The following CCNYL1 variants were observed in gnomAD, a reference collection of about 807,000 sequenced individuals.
CCNYL1 encodes the protein cyclin Y like 1.
CCNYL1 carries 16 observed loss-of-function variants against 44.2 expected under a neutral mutation model. The ratio of observed to expected loss-of-function variants is 0.36; its 90% CI spans 0.25 to 0.55. The LOEUF (loss-of-function observed/expected upper bound fraction) is 0.55, where lower values mean the gene tolerates loss of function less well. CCNYL1 is among the 20% of genes least tolerant of loss of function. The pLI, the probability that CCNYL1 is intolerant of heterozygous loss-of-function variation, is 0.85. For missense variants in CCNYL1, 348 were observed against 451.8 expected (o/e 0.77, Z 2.08); for synonymous variants, 159 against 163.2 (o/e 0.97, Z 0.20).
chr2:207,728,599 A>G (rs1036963491), intron 3 of CCNYL1, among the ~76,000 whole-genome samples: 1 of 152,128 alleles, frequency 6.6e-6, no homozygotes, highest in African/African-American at 2.4e-5. Context: ...TCATAAGAGT[A>G]TAAAATGCTA....
At chr2:207,745,394 A>C (rs1422296073) in intron 7 of CCNYL1, among the ~76,000 whole-genome samples, 1 of 152,198 alleles carries the variant, frequency 6.6e-6, no homozygotes, top group Admixed American at 6.5e-5. Flanking sequence ...GCATCAGCAC[A>C]TCACCAGCTT....
rs770207680 is a variant in CCNYL1 at position 207,740,731 on chromosome 2, GTAT to G, written c.519+27_519+29del. On this transcript the variant is annotated intron_variant, in intron 6 of 9. Coordinates refer to ENST00000295414, the MANE Select transcript of CCNYL1 (RefSeq NM_001330218.2). ...AGTAAGTGTCACTTTTTTTGAGGTA[GTAT>G]TTTTCTCTCATAGAGTTGTGTTTAT... The G allele has an allele frequency of 3.3e-6, 5 of 1,499,768 alleles. No individual in the cohort carries two copies. In the African/African-American group the frequency reaches 5.5e-5, roughly 17 times the overall value. 92.9% of individuals were successfully genotyped at this position (1,499,768 alleles called of 1,614,324 possible). A position where few individuals can be genotyped will look rare whatever the true frequency, so the allele number is the denominator to read the frequency against.
intron 1 of CCNYL1, among the ~76,000 whole-genome samples, chr2:207,714,005 T>G (rs1207876381): frequency 6.6e-6 from 1 of 152,106 alleles, no homozygotes; most frequent in South Asian, 2.1e-4. Context: ...CATACTTTCA[T>G]GTACATGTAA....
intron 9 of CCNYL1, among the ~76,000 whole-genome samples, chr2:207,753,246 G>C (rs1015662325): frequency 6.6e-6 from 1 of 152,114 alleles, no homozygotes; most frequent in Non-Finnish European, 1.5e-5. Context: ...ACAAGTGTAC[G>C]TTTGTTATAT....
chr2:207,720,187 C>CGAA (rs2091629749), intron 1 of CCNYL1, among the ~76,000 whole-genome samples: 1 of 57,904 alleles, frequency 1.7e-5, no homozygotes, highest in Non-Finnish European at 3.2e-5. Context: ...GACTCCGTCT[C>CGAA]AAAAAAAAAA....
At chr2:207,715,679 CT>C (rs368268330) in intron 1 of CCNYL1, among the ~76,000 whole-genome samples, 22,507 of 139,182 alleles carry the variant, frequency 0.16, 2,790 homozygotes, top group East Asian at 0.38. Flanking sequence ...CGCGCCTGGC[CT>C]TTTTTTTTTT....
intron 1 of CCNYL1, among the ~76,000 whole-genome samples, chr2:207,717,146 A>G (rs994409504): frequency 3.8e-4 from 57 of 150,564 alleles, no homozygotes; most frequent in African/African-American, 1.3e-3. Flanking sequence ...GTCAAATTGG[A>G]GTTAGCATTG....
At chr2:207,736,812 T>C (rs2091768225) in intron 4 of CCNYL1, among the ~76,000 whole-genome samples, 1 of 152,140 alleles carries the variant, frequency 6.6e-6, no homozygotes, top group Non-Finnish European at 1.5e-5. Context: ...GTAGAACTTG[T>C]ATAAAATGAA....
chr2:207,734,775 TTTTTTTTAGTTAATTCA>T (rs1243725820), intron 4 of CCNYL1, among the ~76,000 whole-genome samples: 1 of 152,136 alleles, frequency 6.6e-6, no homozygotes, highest in Non-Finnish European at 1.5e-5. Flanking sequence ...GTACTAGCTT[TTTTTTTTAGTTAATTCA>T]ATTGTCAGTA....
chr2:207,737,047 C>G (rs1413697946), intron 4 of CCNYL1, among the ~76,000 whole-genome samples: 1 of 152,048 alleles, frequency 6.6e-6, no homozygotes, highest in African/African-American at 2.4e-5. Context: ...TCCTGAGTAG[C>G]TGGGAATACA....
At chr2:207,718,906 A>G (rs574292323) in intron 1 of CCNYL1, among the ~76,000 whole-genome samples, 5 of 152,316 alleles carry the variant, frequency 3.3e-5, no homozygotes, top group African/African-American at 1.2e-4. Flanking sequence ...AATATTGGAA[A>G]TAATATGTCT....
intron 1 of CCNYL1, among the ~76,000 whole-genome samples, chr2:207,724,191 A>T (rs1247070114): frequency 3.3e-5 from 5 of 152,188 alleles, no homozygotes; most frequent in Admixed American, 3.3e-4. Flanking sequence ...GCAAACGTTA[A>T]TCATTTTCTA....
Position 207,711,779 on chromosome 2 carries a change from C to T in CCNYL1, c.-118C>T, listed in dbSNP as rs1273711628. On this transcript the variant is annotated 5_prime_UTR_variant, in exon 1 of 10. Coordinates refer to ENST00000295414, the MANE Select transcript of CCNYL1 (RefSeq NM_001330218.2). ...GGCGTCTGCTTGCGCGGTGCAGCCC[C>T]AGCGTAGCCCGGGGCTGCCGGTGCC... 6.5e-6 allele frequency: 4 copies of T among 617,794 alleles called. No homozygotes were observed. The highest frequency in any genetic ancestry group is 5.0e-4 in the Middle Eastern group (1 of 2,004). The allele number at this position is 617,794 out of a possible 1,614,324, so 38.3% of individuals were successfully genotyped here.
At chr2:207,740,510 G>A (rs999555306) in intron 5 of CCNYL1, 145 bp from the exon 6 acceptor site, 8 of 656,856 alleles carry the variant, frequency 1.2e-5, no homozygotes, top group East Asian at 5.5e-5. Context: ...CTGGCATCCC[G>A]GAGAAGAATT....
chr2:207,742,701 A>C (rs1237787739), intron 7 of CCNYL1, among the ~76,000 whole-genome samples: 1 of 152,154 alleles, frequency 6.6e-6, no homozygotes, highest in African/African-American at 2.4e-5. Flanking sequence ...CCAGATACTG[A>C]TTCCAGTGTA....
chr2:207,751,691 C>T (rs1047150970), intron 9 of CCNYL1, among the ~76,000 whole-genome samples: 2 of 152,128 alleles, frequency 1.3e-5, no homozygotes, highest in Non-Finnish European at 2.9e-5. Context: ...CCCGTCTCTA[C>T]TAAAAATACA....
Position 207,722,902 on chromosome 2 carries a change from T to A in CCNYL1, c.221-1898T>A, listed in dbSNP as rs377176967. ...TGAACCCGGGAGGTGGAGGTTGCAGTGAGCCAAGATTGCACCACAGCACTC... is the reference window on the plus strand; with the variant it reads ...TGAACCCGGGAGGTGGAGGTTGCAGAGAGCCAAGATTGCACCACAGCACTC... On this transcript the variant is annotated intron_variant, in intron 1 of 9. Transcript: ENST00000295414. Among the ~76,000 whole-genome samples, 150 of 150,690 alleles carry A rather than the reference T, an allele frequency of 1.0e-3. No homozygotes were observed. The Middle Eastern group carries it at 0.01, about 10-fold the overall frequency.
intron 9 of CCNYL1, among the ~76,000 whole-genome samples, chr2:207,751,587 G>C (rs1450224184): frequency 6.6e-6 from 1 of 152,118 alleles, no homozygotes; most frequent in Non-Finnish European, 1.5e-5. Context: ...GGGCGCGGTG[G>C]CTTACGCCTG....
At chr2:207,723,107 G>T (rs976358630) in intron 1 of CCNYL1, among the ~76,000 whole-genome samples, 2 of 152,164 alleles carry the variant, frequency 1.3e-5, no homozygotes, top group African/African-American at 4.8e-5. Flanking sequence ...CATAATTTTT[G>T]TGTGGGTCTT....
Sources: allele counts gnomAD v4.1 joint callset (sites outside exome capture counted in the v4.1 genomes callset), GRCh38; gene constraint gnomAD v4.1.1; transcripts MANE v1.5; gene names NCBI Gene and HGNC (gene_info 2026-07-23, HGNC 2026-07-21).